ATP5PB: variants seen among roughly 807,000 people sequenced by gnomAD.
ATP5PB encodes ATP synthase peripheral stalk subunit b, mitochondrial.
A neutral mutation model predicts 34.5 loss-of-function variants in ATP5PB; 21 were observed. The observed-to-expected ratio is 0.61, with a 90% CI of 0.43 to 0.88. ATP5PB has a LOEUF of 0.88. Ranked by LOEUF, ATP5PB falls within the 40% of genes least tolerant of loss-of-function variation. The pLI, the probability that ATP5PB is intolerant of heterozygous loss-of-function variation, is 0.00. For missense variants in ATP5PB, 293 were observed against 317.4 expected (o/e 0.92, Z 0.58); for synonymous variants, 108 against 114.1 (o/e 0.95, Z 0.34).
At chr1:111,454,095 T>G in intron 2 of ATP5PB, 116 bp from the exon 3 acceptor site, 10 of 1,127,772 alleles carry the variant, frequency 8.9e-6, no homozygotes, top group Non-Finnish European at 1.1e-5. Flanking sequence ...CTTTCCATTA[T>G]GAGAGTTAGA....
intron 2 of ATP5PB, among the ~76,000 whole-genome samples, chr1:111,452,838 A>G (rs1264405002): frequency 1.3e-5 from 2 of 152,214 alleles, no homozygotes; most frequent in Non-Finnish European, 2.9e-5. Context: ...AAAGGCCACA[A>G]AGATACTGCC....
At chr1:111,452,904 A>T (rs951505183) in intron 2 of ATP5PB, among the ~76,000 whole-genome samples, 1 of 152,226 alleles carries the variant, frequency 6.6e-6, no homozygotes, top group African/African-American at 2.4e-5. Flanking sequence ...TCCAGTTCAA[A>T]CGTCGGTAGT....
rs1212863495 is a variant in ATP5PB, at chr1:111,462,245, G to A, written c.*1251G>A. 6.6e-6 allele frequency: 1 copy of A among 152,206 alleles called. No homozygotes were observed. Among genetic ancestry groups the A allele is most frequent in the African/African-American group, 2.4e-5 (1 of 41,446 alleles). 9.4% of individuals were successfully genotyped at this position (152,206 alleles called of 1,614,324 possible). On this transcript the variant is annotated 3_prime_UTR_variant, in exon 7 of 7. Coordinates refer to ENST00000369722, the MANE Select transcript of ATP5PB (RefSeq NM_001688.5). ...GATAAGCAAAATGTAGTATATCCAT[G>A]CAATGGAATATTATTCCACTTCAAG...
In ATP5PB at chr1:111,454,823, G is replaced by A. The variant is rs192064646; in HGVS notation, c.223+467G>A. Among the ~76,000 whole-genome samples, 330 of 152,282 alleles carry A rather than the reference G, an allele frequency of 2.2e-3. 1 individual carries two copies. The highest frequency in any genetic ancestry group is 7.8e-3 in the African/African-American group (324 of 41,554). On this transcript the variant is annotated intron_variant, in intron 3 of 6. Transcript: ENST00000369722. ...TTGTCTTTGGTATAAATTTATTTGG[G>A]ATTTTAACTTAATTTTACAGCATTA...
rs948261698 is a variant in ATP5PB at position 111,462,416 on chromosome 1, T to C, written c.*1422T>C. 2 of 152,218 alleles carry C rather than the reference T, an allele frequency of 1.3e-5. No homozygotes were observed. The highest frequency in any genetic ancestry group is 4.8e-5 in the African/African-American group (2 of 41,460). 9.4% of individuals were successfully genotyped at this position (152,218 alleles called of 1,614,324 possible). A position where few individuals can be genotyped will look rare whatever the true frequency, so the allele number is the denominator to read the frequency against. On this transcript the variant is annotated 3_prime_UTR_variant, in exon 7 of 7. Coordinates refer to ENST00000369722, the MANE Select transcript of ATP5PB (RefSeq NM_001688.5). ...TGTTCTTAAATGGTACACTTAAAAA[T>C]GGTAAATTTTATGTGTATTTTACAA...
At chr1:111,457,654 A>G (rs1027431497) in intron 5 of ATP5PB, among the ~76,000 whole-genome samples, 3 of 152,160 alleles carry the variant, frequency 2.0e-5, no homozygotes, top group Non-Finnish European at 2.9e-5. Context: ...ATCTTGGCCA[A>G]TGTGGTCTTG....
In ATP5PB at chr1:111,454,223, A is replaced by C. The variant is rs1653407161; in HGVS notation, c.90A>C (p.Ala30=). The change falls in exon 3 of 7, where the codon GCA becomes GCC. Residue 30 remains alanine (A), a synonymous_variant. Coordinates refer to ENST00000369722, the MANE Select transcript of ATP5PB (RefSeq NM_001688.5). The stretch of plus-strand genomic sequence containing the variant: ...TTACTACCTGTAGGGTATTGCAGGC[A>C]ACAAGGACCTTTCATACAGGGCAGC... ...AAFLGPGVLQ[A]TRTFHTGQPH... 4 of 1,595,086 alleles carry C rather than the reference A, an allele frequency of 2.5e-6. No individual in the cohort carries two copies. The highest frequency in any genetic ancestry group is 3.4e-6 in the Non-Finnish European group (4 of 1,174,040).
In ATP5PB at chr1:111,460,898, T is replaced by G. The variant is rs1653602156; in HGVS notation, c.694-19T>G. 6.2e-7 allele frequency: 1 copy of G among 1,612,186 alleles called. No homozygotes were observed. The highest frequency in any genetic ancestry group is 8.5e-7 in the Non-Finnish European group (1 of 1,178,550). ...ATGTTTTGGAAAGGTCTAACCAGAT[T>G]TCTCTTTCCTTATCACAGGAAAAGG... On this transcript the variant is annotated intron_variant, in intron 6 of 6. Transcript: ENST00000369722.
chr1:111,449,920 T>C, intron 2 of ATP5PB, 47 bp downstream of exon 2: 1 of 1,611,824 alleles, frequency 6.2e-7, no homozygotes, highest in Non-Finnish European at 8.5e-7. Flanking sequence ...TTCACTACCT[T>C]TTATTTCCCG....
rs929709121 is a variant in ATP5PB, at chr1:111,462,100, A to G, written c.*1106A>G. Reference sequence around the variant, plus strand: ...GATCCAGCAATCCCAGTCGACATATATACTCAAAAAAATTAAAAGCAGGGT... The same window carrying G: ...GATCCAGCAATCCCAGTCGACATATGTACTCAAAAAAATTAAAAGCAGGGT... On this transcript the variant is annotated 3_prime_UTR_variant, in exon 7 of 7. Coordinates refer to ENST00000369722, the MANE Select transcript of ATP5PB (RefSeq NM_001688.5). The G allele has an allele frequency of 4.6e-5, 7 of 152,206 alleles. No homozygotes were observed. Among genetic ancestry groups the G allele is most frequent in the Non-Finnish European group, 8.8e-5 (6 of 68,032 alleles). The allele number at this position is 152,206 out of a possible 1,614,324, so 9.4% of individuals were successfully genotyped here.
At chr1:111,453,713 T>C (rs114703284) in intron 2 of ATP5PB, among the ~76,000 whole-genome samples, 118 of 152,332 alleles carry the variant, frequency 7.7e-4, no homozygotes, top group African/African-American at 2.7e-3. Flanking sequence ...CGTAGAACTT[T>C]TCCATGTGCC....
At chr1:111,460,344 T>C (rs1653583915) in intron 6 of ATP5PB, among the ~76,000 whole-genome samples, 1 of 151,676 alleles carries the variant, frequency 6.6e-6, no homozygotes, top group Admixed American at 6.6e-5. Flanking sequence ...ATGACTTGAT[T>C]TTTTTTTTCT....
intron 6 of ATP5PB, 58 bp downstream of exon 6, chr1:111,459,694 C>T: frequency 1.3e-6 from 2 of 1,531,024 alleles, no homozygotes; most frequent in Non-Finnish European, 1.8e-6. Flanking sequence ...CAAGTATCTG[C>T]TGATGTTTTG....
At chr1:111,454,080 A>C in intron 2 of ATP5PB, 131 bp from the exon 3 acceptor site, 1 of 1,010,000 alleles carries the variant, frequency 9.9e-7, no homozygotes, top group Non-Finnish European at 1.4e-6. Flanking sequence ...TTCCCAGTCC[A>C]TTCTCTTTCC....
intron 2 of ATP5PB, among the ~76,000 whole-genome samples, chr1:111,451,739 T>A (rs915519799): frequency 1.3e-5 from 2 of 152,020 alleles, no homozygotes; most frequent in South Asian, 4.1e-4. Flanking sequence ...CATAAGGCAA[T>A]TTTTTTGTGG....
At chr1:111,450,856 T>A (rs1653305515) in intron 2 of ATP5PB, among the ~76,000 whole-genome samples, 1 of 152,258 alleles carries the variant, frequency 6.6e-6, no homozygotes, top group East Asian at 1.9e-4. Context: ...GGTAAACAAA[T>A]AATTGTAATA....
intron 2 of ATP5PB, among the ~76,000 whole-genome samples, chr1:111,452,556 G>A (rs1459702088): frequency 2.0e-5 from 3 of 152,058 alleles, no homozygotes; most frequent in African/African-American, 7.3e-5. Flanking sequence ...GGGTGATAGG[G>A]CAAGATTCTG....
chr1:111,460,924 A>G lies in ATP5PB; in HGVS notation c.701A>G (p.Glu234Gly), dbSNP rs1444330032. Residue 234 changes from glutamate (E) to glycine (G), a missense_variant, in exon 7 of 7, where the codon GAG (glutamate) becomes GGG (glycine). Transcript: ENST00000369722. Reference sequence around the variant, plus strand: ...TCTCTTTCCTTATCACAGGAAAAGGAGACAATTGCCAAGTGCATTGCGGAC... The same window carrying G: ...TCTCTTTCCTTATCACAGGAAAAGGGGACAATTGCCAAGTGCATTGCGGAC... ...VQSISTQQEK[E>G]TIAKCIADLK... The G allele has an allele frequency of 6.2e-7, 1 of 1,613,646 alleles. No homozygotes were observed. The highest frequency in any genetic ancestry group is 8.5e-7 in the Non-Finnish European group (1 of 1,179,732).
rs1370396417 is a variant in ATP5PB at position 111,461,301 on chromosome 1, A to G, written c.*307A>G. The G allele has an allele frequency of 4.7e-6, 1 of 214,684 alleles. No homozygotes were observed. Among genetic ancestry groups the G allele is most frequent in the African/African-American group, 2.3e-5 (1 of 43,404 alleles). The allele number at this position is 214,684 out of a possible 1,614,324, so 13.3% of individuals were successfully genotyped here. On this transcript the variant is annotated 3_prime_UTR_variant, in exon 7 of 7. Coordinates refer to ENST00000369722, the MANE Select transcript of ATP5PB (RefSeq NM_001688.5). Reference sequence around the variant, plus strand: ...GTTTAAATTTGTAATTAATTCTACCATCTTGCAATAAAGTGACAATTGAAT... The same window carrying G: ...GTTTAAATTTGTAATTAATTCTACCGTCTTGCAATAAAGTGACAATTGAAT...
Sources: gnomAD v4.1 joint callset for allele counts (sites outside exome capture counted in the v4.1 genomes callset) on GRCh38, gnomAD v4.1.1 for gene constraint, MANE v1.5 for transcripts, NCBI Gene and HGNC (gene_info 2026-07-23, HGNC 2026-07-21) for gene names.